SGSM2: variants seen among roughly 807,000 people sequenced by gnomAD.
The protein encoded by SGSM2 is RUN and TBC1 domain containing 1.
Under a neutral mutation model 126.6 loss-of-function variants are expected in SGSM2, and 89 were observed. The ratio of observed to expected loss-of-function variants is 0.70; its 90% confidence interval spans 0.59 to 0.84. SGSM2 has a LOEUF of 0.84. Among genes scored for constraint, SGSM2 ranks in the 40% least tolerant of loss-of-function variants. SGSM2 has a pLI of 0.00. For missense variants in SGSM2, 1,404 were observed against 1,416.6 expected, an observed-to-expected ratio of 0.99 and a Z score of 0.14; for synonymous variants, 614 against 574.3, an observed-to-expected ratio of 1.07 and a Z score of -0.99.
intron 2 of SGSM2, among the ~76,000 whole-genome samples, chr17:2,349,106 T>C (rs1378284810): frequency 6.6e-6 from 1 of 151,168 alleles, no homozygotes; most frequent in Non-Finnish European, 1.5e-5. Context: ...CCGGGCACAG[T>C]GGCTCACGCC....
intron 2 of SGSM2, among the ~76,000 whole-genome samples, chr17:2,346,168 G>A (rs2064590747): frequency 6.6e-6 from 1 of 152,132 alleles, no homozygotes; most frequent in East Asian, 1.9e-4. Flanking sequence ...CTTTGTTGTG[G>A]GAGAAATGGG....
At chr17:2,349,810 T>C (rs923362277) in intron 2 of SGSM2, among the ~76,000 whole-genome samples, 11 of 149,786 alleles carry the variant, frequency 7.3e-5, no homozygotes, top group South Asian at 6.4e-4. Flanking sequence ...TTTTTTGAGA[T>C]GGAGTCTCCC....
At chr17:2,343,679 G>A in intron 2 of SGSM2, 59 bp downstream of exon 2, 1 of 1,507,770 alleles carries the variant, frequency 6.6e-7, no homozygotes, top group Non-Finnish European at 9.2e-7. Flanking sequence ...CACTGGCCTG[G>A]GGCCAGGAAA....
rs1426208501 is a variant in SGSM2, at chr17:2,367,742, A to C, written c.1423+337A>C. Among the ~76,000 whole-genome samples the C allele has an allele frequency of 1.3e-5, 2 of 152,230 alleles. No homozygotes were observed. The highest frequency in any genetic ancestry group is 2.4e-5 in the African/African-American group (1 of 41,456). ...GGTCAGGCTGGCAAATGCCAGACAG[A>C]GGTCTCTTCCTTTCTCTCTGCTGAT... On this transcript the variant is annotated intron_variant, in intron 12 of 23. Transcript: ENST00000268989. This position sits in a 1 kb window ranked among gnomAD's most constrained non-coding sequence, Gnocchi z 4.0.
At position 2,367,551 on chromosome 17, in the gene SGSM2, G is replaced by A; in HGVS notation, c.1423+146G>A. The A allele has an allele frequency of 2.2e-6, 2 of 929,192 alleles. No homozygotes were observed. The highest frequency in any genetic ancestry group is 3.2e-6 in the Non-Finnish European group (2 of 628,654). The allele number at this position is 929,192 out of a possible 1,614,324, so 57.6% of individuals were successfully genotyped here. A position where few individuals can be genotyped will look rare whatever the true frequency, so the allele number is the denominator to read the frequency against. ...GTTCCCTTCCATCGGGGGCAGATCA[G>A]GGAGGGCAGAAGGAGGCCAGACAGG... is the stretch of plus-strand genomic sequence containing the variant. On this transcript the variant is annotated intron_variant, in intron 12 of 23. Transcript: ENST00000268989. This position sits in a 1 kb window ranked among gnomAD's most constrained non-coding sequence, Gnocchi z 4.0.
chr17:2,365,866 C>T (rs929827337), intron 11 of SGSM2, among the ~76,000 whole-genome samples: 21 of 151,950 alleles, frequency 1.4e-4, no homozygotes, highest in African/African-American at 1.9e-4. Flanking sequence ...CTACCTCAGC[C>T]TCCTGAGTAG....
intron 2 of SGSM2, among the ~76,000 whole-genome samples, chr17:2,357,184 G>T (rs1408104868): frequency 6.6e-6 from 1 of 152,076 alleles, no homozygotes; most frequent in Non-Finnish European, 1.5e-5. Context: ...TGGGAAGATG[G>T]CTCCAGACCT....
At position 2,372,043 on chromosome 17, in the gene SGSM2, C is replaced by A; in HGVS notation, c.1578-147C>A. On this transcript the variant is annotated intron_variant, in intron 13 of 23. Transcript: ENST00000268989. The surrounding 1 kb of genome is among the most constrained non-coding windows in gnomAD (Gnocchi z 6.0). ...AGGTGGCAGGCAGGGACAGGGCACC[C>A]ACTGACGGCTGCTGGGCTGCGGCTC... 1 of 919,382 alleles carries A rather than the reference C, an allele frequency of 1.1e-6. No homozygotes were observed. The highest frequency in any genetic ancestry group is 1.7e-6 in the Non-Finnish European group (1 of 594,184). 57.0% of individuals were successfully genotyped at this position (919,382 alleles called of 1,614,324 possible).
chr17:2,343,449 T>C, intron 1 of SGSM2, 96 bp from the exon 2 acceptor site: 1 of 1,268,438 alleles, frequency 7.9e-7, no homozygotes, highest in Non-Finnish European at 1.1e-6. Flanking sequence ...GAAAGTGCCC[T>C]TCAGACCAGA....
In SGSM2 at chr17:2,367,663, C is replaced by T. The variant is rs9911111; in HGVS notation, c.1423+258C>T. Among the ~76,000 whole-genome samples, 1,972 of 152,338 alleles carry T rather than the reference C, an allele frequency of 0.013. 45 individuals carry two copies. Among genetic ancestry groups the T allele is most frequent in the African/African-American group, 0.044 (1,850 of 41,576 alleles). On this transcript the variant is annotated intron_variant, in intron 12 of 23. Coordinates refer to ENST00000268989, the MANE Select transcript of SGSM2 (RefSeq NM_014853.3). The surrounding 1 kb of genome is among the most constrained non-coding windows in gnomAD (Gnocchi z 4.0). ...TTTGCTAATAGGAAGGTCTGATTAT[C>T]TGATTGCCTCCTGGGCACCCTGAAT...
chr17:2,364,353 G>A (rs920273849), intron 8 of SGSM2, 170 bp downstream of exon 8: 33 of 950,842 alleles, frequency 3.5e-5, no homozygotes, highest in East Asian at 3.4e-4. Flanking sequence ...TCTCTAGGAC[G>A]GAGCCAAGCC....
intron 2 of SGSM2, among the ~76,000 whole-genome samples, chr17:2,360,865 T>C (rs555846366): frequency 6.6e-6 from 1 of 152,248 alleles, no homozygotes; most frequent in Non-Finnish European, 1.5e-5. Context: ...GTTGTGACTG[T>C]GATCGAGTTT....
At chr17:2,359,610 G>A (rs1200036100) in intron 2 of SGSM2, among the ~76,000 whole-genome samples, 2 of 152,086 alleles carry the variant, frequency 1.3e-5, no homozygotes, top group East Asian at 1.9e-4. Flanking sequence ...CCTCTCACCC[G>A]AGAGAACCCC....
chr17:2,370,251 C>T (rs1356452545), intron 12 of SGSM2, among the ~76,000 whole-genome samples: 1 of 152,262 alleles, frequency 6.6e-6, no homozygotes, highest in African/African-American at 2.4e-5. Context: ...GGCATCACCC[C>T]CCAGTGCTTC....
chr17:2,343,446 C>G, intron 1 of SGSM2, 99 bp from the exon 2 acceptor site: 3 of 1,135,074 alleles, frequency 2.6e-6, no homozygotes, highest in Non-Finnish European at 4.0e-6. Context: ...TCTGAAAGTG[C>G]CCTTCAGACC....
rs551503252 is a variant in SGSM2 at position 2,363,867 on chromosome 17, G to C, written c.808-192G>C. 3.8e-6 allele frequency: 3 copies of C among 789,212 alleles called. No homozygotes were observed. The highest frequency in any genetic ancestry group is 1.8e-5 in the South Asian group (1 of 56,418). 48.9% of individuals were successfully genotyped at this position (789,212 alleles called of 1,614,324 possible). A position where few individuals can be genotyped will look rare whatever the true frequency, so the allele number is the denominator to read the frequency against. On this transcript the variant is annotated intron_variant, in intron 7 of 23. Coordinates refer to ENST00000268989, the MANE Select transcript of SGSM2 (RefSeq NM_014853.3). The surrounding 1 kb of genome is among the most constrained non-coding windows in gnomAD (Gnocchi z 4.2). ...TGGCATCCAGGAGGCTGGCAGGAGAGAGTCAGTGGCACCAGGCTGACCAGG... is the reference window on the plus strand; with the variant it reads ...TGGCATCCAGGAGGCTGGCAGGAGACAGTCAGTGGCACCAGGCTGACCAGG...
Position 2,373,316 on chromosome 17 carries a change from G to A in SGSM2, c.1918-15G>A, listed in dbSNP as rs2065969042. The A allele has an allele frequency of 6.2e-7, 1 of 1,606,190 alleles. No homozygotes were observed. Among genetic ancestry groups the A allele is most frequent in the Non-Finnish European group, 8.5e-7 (1 of 1,175,274 alleles). On this transcript the variant is annotated splice_polypyrimidine_tract_variant and intron_variant, in intron 16 of 23. Coordinates refer to ENST00000268989, the MANE Select transcript of SGSM2 (RefSeq NM_014853.3). Reference sequence around the variant, plus strand: ...TGCACGCTTCCCCCATGGTCGTGGTGTGGTCTGAGTACAGGTGGACGCAGT... The same window carrying A: ...TGCACGCTTCCCCCATGGTCGTGGTATGGTCTGAGTACAGGTGGACGCAGT...
rs2066129292 is a variant in SGSM2 at position 2,376,041 on chromosome 17, G to A, written c.2485-96G>A. ...CCCACAGGACTCGCTCTGGTCTCTG[G>A]GTTCCGTTTTGCTGCATTTCTTGGG... On this transcript the variant is annotated intron_variant, in intron 18 of 23. Transcript: ENST00000268989. 4 of 1,581,234 alleles carry A rather than the reference G, an allele frequency of 2.5e-6. No individual in the cohort carries two copies. The South Asian group carries it at 3.4e-5, about 14-fold the overall frequency.
At chr17:2,338,478 T>C (rs2064189391) in intron 1 of SGSM2, among the ~76,000 whole-genome samples, 1 of 152,060 alleles carries the variant, frequency 6.6e-6, no homozygotes, top group Non-Finnish European at 1.5e-5. Flanking sequence ...CTCACTCCCA[T>C]ATGAGAGCTG....
Sources: gnomAD v4.1 joint callset for allele counts (sites outside exome capture counted in the v4.1 genomes callset) on GRCh38, gnomAD v4.1.1 for gene constraint, Gnocchi (gnomAD v3.1) non-coding constraint, MANE v1.5 for transcripts, NCBI Gene and HGNC (gene_info 2026-07-23, HGNC 2026-07-21) for gene names.